The following PHACTR2 variants were observed in gnomAD, a reference collection of about 807,000 sequenced individuals.
PHACTR2 encodes the protein phosphatase and actin regulator 2.
PHACTR2 carries 30 observed loss-of-function variants against 76.0 expected under a neutral mutation model. The ratio of observed to expected loss-of-function variants is 0.39; its 90% CI spans 0.30 to 0.54. The LOEUF (loss-of-function observed/expected upper bound fraction) is 0.54, where lower values mean the gene tolerates loss of function less well. Ranked by LOEUF, PHACTR2 falls within the 20% of genes least tolerant of loss-of-function variation. The pLI is 0.61. For synonymous variants in PHACTR2, 292 were observed against 292.5 expected (o/e 1.00, Z 0.02); for missense variants, 696 against 781.1 (o/e 0.89, Z 1.30).
rs1431016840 is a variant in PHACTR2 at position 143,683,780 on chromosome 6, C to A, written c.46+5571C>A. Among the ~76,000 whole-genome samples, 1 of 152,162 alleles carries A rather than the reference C, an allele frequency of 6.6e-6. No individual in the cohort carries two copies. Among genetic ancestry groups the A allele is most frequent in the Non-Finnish European group, 1.5e-5 (1 of 68,030 alleles). ...ATACATGGTAGGAAGTCAAACATTA[C>A]AAGATGGTTTGGGATAAAAATGAAT... On this transcript the variant is annotated intron_variant, in intron 1 of 12. Coordinates refer to ENST00000440869, the MANE Select transcript of PHACTR2 (RefSeq NM_001100164.2). The surrounding 1 kb of genome is among the most constrained non-coding windows in gnomAD (Gnocchi z 4.1).
Position 143,585,680 on chromosome 6 carries a change from C to T in PHACTR2, c.217+48473C>T, listed in dbSNP as rs189277349. On this transcript the variant is annotated intron_variant, in intron 1 of 11. Coordinates refer to the PHACTR2 transcript ENST00000367584. The surrounding 1 kb of genome is among the most constrained non-coding windows in gnomAD (Gnocchi z 5.2). ...GAGACCCTCCCTGCTTATCACCAGG[C>T]GTGGCACCTGATAGGTGCTCAAAAA... is the stretch of plus-strand genomic sequence containing the variant. Among the ~76,000 whole-genome samples, 53 of 152,292 alleles carry T rather than the reference C, an allele frequency of 3.5e-4. No individual in the cohort carries two copies. The highest frequency in any genetic ancestry group is 1.3e-3 in the African/African-American group (52 of 41,562).
rs1161175894 is a variant in PHACTR2 at position 143,625,729 on chromosome 6, C to A, written c.13+17407C>A. ...TGAATTGAGTGCCTACTGGGTCAGG[C>A]ACTCTTCCGGGTGCAGTGAATGGGG... On this transcript the variant is annotated intron_variant, in intron 1 of 11. Coordinates refer to the PHACTR2 transcript ENST00000305766. This position sits in a 1 kb window ranked among gnomAD's most constrained non-coding sequence, Gnocchi z 4.3. 1.3e-5 allele frequency among the ~76,000 whole-genome samples: 2 copies of A among 152,186 alleles called. No homozygotes were observed. The highest frequency in any genetic ancestry group is 2.9e-5 in the Non-Finnish European group (2 of 68,034).
intron 3 of PHACTR2, among the ~76,000 whole-genome samples, chr6:143,749,354 C>T (rs1016604061): frequency 4.6e-5 from 7 of 152,294 alleles, no homozygotes; most frequent in African/African-American, 1.7e-4. Flanking sequence ...CAAATGCTTA[C>T]GGCTCCTTCT....
At chr6:143,572,813 A>G (rs562228832) in intron 1 of PHACTR2, among the ~76,000 whole-genome samples, 3 of 152,304 alleles carry the variant, frequency 2.0e-5, no homozygotes, top group South Asian at 4.1e-4. Context: ...TCTGCCTCCC[A>G]AAGTGCTGGG....
rs1007139975 is a variant in PHACTR2 at position 143,618,948 on chromosome 6, G to A, written c.13+10626G>A. ...CTAAGTACTGTACCTGGCAGAGGAG[G>A]TGTGTTCCATAAGCAGGCAAATGAA... On this transcript the variant is annotated intron_variant, in intron 1 of 11. Transcript: ENST00000305766. This position sits in a 1 kb window ranked among gnomAD's most constrained non-coding sequence, Gnocchi z 5.2. Among the ~76,000 whole-genome samples, 6 of 152,150 alleles carry A rather than the reference G, an allele frequency of 3.9e-5. No individual in the cohort carries two copies. Among genetic ancestry groups the A allele is most frequent in the Admixed American group, 1.3e-4 (2 of 15,266 alleles).
intron 1 of PHACTR2, among the ~76,000 whole-genome samples, chr6:143,687,091 T>A (rs937622136): frequency 1.3e-5 from 2 of 152,180 alleles, no homozygotes; most frequent in African/African-American, 4.8e-5. Flanking sequence ...AATGTGAATG[T>A]CTCTTACTTT....
In PHACTR2 at chr6:143,793,089, G is replaced by A. The variant is rs557425136; in HGVS notation, c.1845+4179G>A. Among the ~76,000 whole-genome samples, 2 of 152,240 alleles carry A rather than the reference G, an allele frequency of 1.3e-5. 1 individual carries two copies. The highest frequency in any genetic ancestry group is 4.2e-4 in the South Asian group (2 of 4,814). On this transcript the variant is annotated intron_variant, in intron 11 of 12. Coordinates refer to ENST00000440869, the MANE Select transcript of PHACTR2 (RefSeq NM_001100164.2). The surrounding 1 kb of genome is among the most constrained non-coding windows in gnomAD (Gnocchi z 4.4). Reference sequence around the variant, plus strand: ...GCAAAACTTCAGAAAGGCAGGTAGGGCCAGATAAATGAGTAAAGATCACTG... The same window carrying A: ...GCAAAACTTCAGAAAGGCAGGTAGGACCAGATAAATGAGTAAAGATCACTG...
rs1279543709 is a variant in PHACTR2, at chr6:143,778,696, GTTGAA to G, written c.1645+1316_1645+1320del. ...CATGATAGGTTCCTGGGAAATGCTT[GTTGAA>G]TTAAGTTTTAAGCATGCTCAAATGC... On this transcript the variant is annotated intron_variant, in intron 9 of 12. Transcript: ENST00000440869. Among the ~76,000 whole-genome samples the G allele has an allele frequency of 3.9e-5, 6 of 152,150 alleles. No homozygotes were observed. In the East Asian group the frequency reaches 9.6e-4, roughly 24 times the overall value.
At chr6:143,711,105 C>A (rs763078531) in intron 1 of PHACTR2, 3 of 508,924 alleles carry the variant, frequency 5.9e-6, no homozygotes, top group Non-Finnish European at 7.8e-6. Context: ...GGTAATCCAA[C>A]CATCGTTGAG....
Position 143,678,352 on chromosome 6 carries a change from C to T in PHACTR2, c.46+143C>T. On this transcript the variant is annotated intron_variant, in intron 1 of 12. Coordinates refer to ENST00000440869, the MANE Select transcript of PHACTR2 (RefSeq NM_001100164.2). The surrounding 1 kb of genome is among the most constrained non-coding windows in gnomAD (Gnocchi z 6.2). ...TCGGAGAAACCCCAGAGGTAGCGCTCGCCAAACTCTTTGTCGTGAAAGAGG... is the reference window on the plus strand; with the variant it reads ...TCGGAGAAACCCCAGAGGTAGCGCTTGCCAAACTCTTTGTCGTGAAAGAGG... 1 of 691,988 alleles carries T rather than the reference C, an allele frequency of 1.4e-6. No individual in the cohort carries two copies. Among genetic ancestry groups the T allele is most frequent in the East Asian group, 3.5e-5 (1 of 28,356 alleles). The allele number at this position is 691,988 out of a possible 1,614,324, so 42.9% of individuals were successfully genotyped here. A position where few individuals can be genotyped will look rare whatever the true frequency, so the allele number is the denominator to read the frequency against.
In PHACTR2 at chr6:143,700,626, A is replaced by G. The variant is rs778694969; in HGVS notation, c.47-11390A>G. Among the ~76,000 whole-genome samples the G allele has an allele frequency of 7.9e-5, 12 of 152,256 alleles. No homozygotes were observed. The highest frequency in any genetic ancestry group is 1.6e-4 in the Non-Finnish European group (11 of 68,040). On this transcript the variant is annotated intron_variant, in intron 1 of 12. Transcript: ENST00000440869. This position sits in a 1 kb window ranked among gnomAD's most constrained non-coding sequence, Gnocchi z 4.1. The stretch of plus-strand genomic sequence containing the variant: ...GTATATTTTATTTCACAAATTATAT[A>G]TAAGGTCTACCAGCTTCTCCCCTAA...
At chr6:143,745,736 G>A (rs1779045985) in intron 2 of PHACTR2, among the ~76,000 whole-genome samples, 1 of 152,246 alleles carries the variant, frequency 6.6e-6, no homozygotes, top group African/African-American at 2.4e-5. Context: ...GTTCTCATTG[G>A]CCCTGTACAG....
Position 143,765,713 on chromosome 6 carries a change from C to G in PHACTR2, c.1147C>G (p.Gln383Glu). Residue 383 changes from glutamine to glutamate, a missense_variant, in exon 6 of 13, where the codon CAG becomes GAG. By Grantham distance (29) the Gln-to-Glu change is conservative. Transcript: ENST00000440869. This position sits in a 1 kb window ranked among gnomAD's most constrained non-coding sequence, Gnocchi z 4.1. ...DLPVSALDPS[Q>E]LLWAEEPTNR... Reference sequence around the variant, plus strand: ...GCCCGTCTCTGCCTTAGACCCAAGTCAGCTTCTTTGGGCTGAAGAGCCGAC... The same window carrying G: ...GCCCGTCTCTGCCTTAGACCCAAGTGAGCTTCTTTGGGCTGAAGAGCCGAC... The G allele has an allele frequency of 6.2e-7, 1 of 1,614,172 alleles. No homozygotes were observed. The highest frequency in any genetic ancestry group is 8.5e-7 in the Non-Finnish European group (1 of 1,180,002).
chr6:143,788,567 T>A (rs1387099624), intron 10 of PHACTR2, among the ~76,000 whole-genome samples: 1 of 151,844 alleles, frequency 6.6e-6, no homozygotes, highest in Non-Finnish European at 1.5e-5. Context: ...TCTAAAACGA[T>A]GATTTTTTTA....
rs1777762594 is a variant in PHACTR2, at chr6:143,696,040, T to G, written c.47-15976T>G. Among the ~76,000 whole-genome samples the G allele has an allele frequency of 6.6e-6, 1 of 152,236 alleles. No homozygotes were observed. Among genetic ancestry groups the G allele is most frequent in the African/African-American group, 2.4e-5 (1 of 41,460 alleles). ...ATGTTTGTTGGTTTGATTTTTAAAA[T>G]TTTTTATTTTTTGCAGGTGCAAGCA... On this transcript the variant is annotated intron_variant, in intron 1 of 12. Transcript: ENST00000440869. This position sits in a 1 kb window ranked among gnomAD's most constrained non-coding sequence, Gnocchi z 4.1.
chr6:143,537,291 C>G lies in PHACTR2; in HGVS notation c.217+84C>G, dbSNP rs1252223697. 6.8e-6 allele frequency: 1 copy of G among 146,950 alleles called. No homozygotes were observed. Among genetic ancestry groups the G allele is most frequent in the African/African-American group, 2.5e-5 (1 of 40,046 alleles). 9.1% of individuals were successfully genotyped at this position (146,950 alleles called of 1,614,324 possible). A position where few individuals can be genotyped will look rare whatever the true frequency, so the allele number is the denominator to read the frequency against. On this transcript the variant is annotated intron_variant, in intron 1 of 11. Transcript: ENST00000367584. This position sits in a 1 kb window ranked among gnomAD's most constrained non-coding sequence, Gnocchi z 4.4. The stretch of plus-strand genomic sequence containing the variant: ...GGCGACGCGGCCAACCCGGGGCGCC[C>G]GCGGGCACTGGCCCGGCAGGCTGGC...
In PHACTR2 at chr6:143,804,848, T is replaced by A. The variant is rs116056067; in HGVS notation, c.1846-2209T>A. On this transcript the variant is annotated intron_variant, in intron 11 of 12. Transcript: ENST00000440869. Reference sequence around the variant, plus strand: ...TAAATAAAAGTGAAAGAATTGTGAATCCCAATCACAAACTAGAATAATTTG... The same window carrying A: ...TAAATAAAAGTGAAAGAATTGTGAAACCCAATCACAAACTAGAATAATTTG... Among the ~76,000 whole-genome samples the A allele has an allele frequency of 3.9e-3, 596 of 152,330 alleles. 9 individuals carry two copies. The highest frequency in any genetic ancestry group is 0.013 in the African/African-American group (551 of 41,588).
At position 143,689,608 on chromosome 6, in the gene PHACTR2, T is replaced by C. The variant is rs1378420098; in HGVS notation, c.46+11399T>C. On this transcript the variant is annotated intron_variant, in intron 1 of 12. Coordinates refer to ENST00000440869, the MANE Select transcript of PHACTR2 (RefSeq NM_001100164.2). The surrounding 1 kb of genome is among the most constrained non-coding windows in gnomAD (Gnocchi z 4.4). ...AAACCGAACACGTAGTTCTCTTTTTTACCCTACCCCAACCCCTGCCTCTCC... is the reference window on the plus strand; with the variant it reads ...AAACCGAACACGTAGTTCTCTTTTTCACCCTACCCCAACCCCTGCCTCTCC... Among the ~76,000 whole-genome samples the C allele has an allele frequency of 6.6e-6, 1 of 152,130 alleles. No homozygotes were observed. The highest frequency in any genetic ancestry group is 6.5e-5 in the Admixed American group (1 of 15,268).
intron 1 of PHACTR2, among the ~76,000 whole-genome samples, chr6:143,574,094 A>C (rs9321922): frequency 1.3e-5 from 2 of 151,920 alleles, no homozygotes; most frequent in African/African-American, 2.4e-5. Flanking sequence ...GGAAGAATTT[A>C]TTTTAAGCTC....
Sources: allele counts gnomAD v4.1 joint callset (sites outside exome capture counted in the v4.1 genomes callset), GRCh38; gene constraint gnomAD v4.1.1; non-coding constraint Gnocchi (gnomAD v3.1); transcripts MANE v1.5; gene names NCBI Gene and HGNC (gene_info 2026-07-23, HGNC 2026-07-21).